The following MAGI1 variants were observed in gnomAD, a reference collection of about 807,000 sequenced individuals.
The protein encoded by MAGI1 is membrane associated guanylate kinase, WW and PDZ domain containing 1, also known as membrane-associated guanylate kinase, WW and PDZ domain-containing protein 1.
In MAGI1, 58 loss-of-function variants were observed where a neutral mutation model predicts 139.9. The observed-to-expected ratio is 0.41, with a 90% CI of 0.34 to 0.52. The LOEUF (loss-of-function observed/expected upper bound fraction) is 0.52. MAGI1 is among the 20% of genes least tolerant of loss of function. The pLI is 0.12. For synonymous variants in MAGI1, 812 were observed against 737.9 expected (o/e 1.10, Z -1.63); for missense variants, 1,874 against 1,901.6 (o/e 0.99, Z 0.27).
intron 1 of MAGI1, among the ~76,000 whole-genome samples, chr3:65,878,101 G>A (rs2060185460): frequency 6.6e-6 from 1 of 151,364 alleles, no homozygotes; most frequent in Non-Finnish European, 1.5e-5. Context: ...ACAGAGTGAG[G>A]TTCTGTCTCA....
chr3:65,401,372 T>TCCCCCCCCCCC, intron 13 of MAGI1, 67 bp downstream of exon 13: 2 of 778,308 alleles, frequency 2.6e-6, no homozygotes, highest in South Asian at 2.9e-5. Flanking sequence ...CAGAGTACCC[T>TCCCCCCCCCCC]CCCACCTCCA....
At chr3:65,609,456 T>A (rs2082925000) in intron 2 of MAGI1, among the ~76,000 whole-genome samples, 1 of 152,018 alleles carries the variant, frequency 6.6e-6, no homozygotes, top group African/African-American at 2.4e-5. Flanking sequence ...TTTTTGTATT[T>A]TTAGGAGAGA....
intron 1 of MAGI1, among the ~76,000 whole-genome samples, chr3:65,749,399 T>C (rs1003672340): frequency 5.9e-5 from 9 of 152,168 alleles, no homozygotes; most frequent in African/African-American, 2.2e-4. Context: ...GAGGCTATTA[T>C]TCTAAGTGAA....
At chr3:65,761,048 A>C (rs1254504697) in intron 1 of MAGI1, among the ~76,000 whole-genome samples, 4 of 152,152 alleles carry the variant, frequency 2.6e-5, no homozygotes, top group Admixed American at 2.6e-4. Flanking sequence ...GATCCCAAAC[A>C]CTGAAGTTAC....
chr3:65,919,856 C>T (rs2062089907), intron 1 of MAGI1, among the ~76,000 whole-genome samples: 1 of 152,190 alleles, frequency 6.6e-6, no homozygotes, highest in African/African-American at 2.4e-5. Flanking sequence ...CTAGAACTCT[C>T]AGTTTTAGCC....
At chr3:65,654,794 T>C (rs907454530) in intron 1 of MAGI1, among the ~76,000 whole-genome samples, 1 of 152,198 alleles carries the variant, frequency 6.6e-6, no homozygotes, top group African/African-American at 2.4e-5. Flanking sequence ...GCCCACCAAT[T>C]GCTCTGTCAA....
chr3:65,610,907 G>A, intron 2 of MAGI1, among the ~76,000 whole-genome samples: 1 of 138,122 alleles, frequency 7.2e-6, no homozygotes, highest in Admixed American at 7.5e-5. Flanking sequence ...ATACTATATA[G>A]TATATAGACA....
intron 2 of MAGI1, among the ~76,000 whole-genome samples, chr3:65,522,760 A>G (rs2107806197): frequency 6.6e-6 from 1 of 152,334 alleles, no homozygotes; most frequent in African/African-American, 2.4e-5. Flanking sequence ...AAGGCAGACA[A>G]GCCCTGGCTA....
chr3:65,510,878 G>A lies in MAGI1; in HGVS notation c.431-17247C>T, dbSNP rs1281935430. Among the ~76,000 whole-genome samples the A allele has an allele frequency of 2.0e-5, 3 of 149,036 alleles. No homozygotes were observed. In the East Asian group the frequency reaches 5.9e-4, roughly 30 times the overall value. On this transcript the variant is annotated intron_variant, in intron 2 of 22. Coordinates refer to ENST00000402939, the MANE Select transcript of MAGI1 (RefSeq NM_001033057.2). The stretch of plus-strand genomic sequence containing the variant: ...CAGATTCACCAAAGTTCAAATGAAG[G>A]AAAAAATGTTAAGGGCAGCCAGAGA...
At chr3:65,538,866 T>C (rs13070831) in intron 2 of MAGI1, among the ~76,000 whole-genome samples, 38,672 of 151,958 alleles carry the variant, frequency 0.25, 5,270 homozygotes, top group African/African-American at 0.32. Context: ...CAGACACACA[T>C]ACCAACTGCC....
chr3:65,594,677 T>C (rs994601045), intron 2 of MAGI1, among the ~76,000 whole-genome samples: 3 of 151,806 alleles, frequency 2.0e-5, no homozygotes, highest in Non-Finnish European at 4.4e-5. Context: ...ACATAAGAAA[T>C]TTTTTTTTCA....
chr3:65,508,137 C>T (rs551978954), intron 2 of MAGI1, among the ~76,000 whole-genome samples: 78 of 152,298 alleles, frequency 5.1e-4, no homozygotes, highest in African/African-American at 1.5e-3. Flanking sequence ...GGCGCGGTGG[C>T]TCACGCCTGT....
intron 1 of MAGI1, among the ~76,000 whole-genome samples, chr3:65,788,953 G>T (rs538949813): frequency 6.6e-6 from 1 of 152,110 alleles, no homozygotes; most frequent in Non-Finnish European, 1.5e-5. Context: ...CAATCCAGGA[G>T]AATCCGTTGC....
intron 15 of MAGI1, 100 bp downstream of exon 15, chr3:65,383,432 C>T: frequency 1.2e-6 from 1 of 826,146 alleles, no homozygotes; most frequent in Non-Finnish European, 2.1e-6. Context: ...GTCAGTGTTG[C>T]ATCTAGCTGG....
At chr3:65,727,006 C>T (rs1266807932) in intron 1 of MAGI1, among the ~76,000 whole-genome samples, 1 of 149,626 alleles carries the variant, frequency 6.7e-6, no homozygotes, top group Non-Finnish European at 1.5e-5. Context: ...TGGTCCCAAG[C>T]ATTCCAGATG....
chr3:65,732,004 CTATTT>C (rs1458082039), intron 1 of MAGI1, among the ~76,000 whole-genome samples: 4 of 152,146 alleles, frequency 2.6e-5, no homozygotes, highest in African/African-American at 4.8e-5. Flanking sequence ...TTAAACAATT[CTATTT>C]TAAGTATTAT....
intron 1 of MAGI1, among the ~76,000 whole-genome samples, chr3:65,712,812 C>T (rs1045695976): frequency 6.6e-6 from 1 of 152,164 alleles, no homozygotes; most frequent in African/African-American, 2.4e-5. Flanking sequence ...GGGTGATTTG[C>T]TATGCAGCAA....
At chr3:65,412,053 T>C (rs1406661297) in intron 12 of MAGI1, among the ~76,000 whole-genome samples, 1 of 152,188 alleles carries the variant, frequency 6.6e-6, no homozygotes, top group Non-Finnish European at 1.5e-5. Flanking sequence ...CCTGGCTCCA[T>C]GTCCCTATGG....
intron 1 of MAGI1, among the ~76,000 whole-genome samples, chr3:65,835,288 T>C (rs2042744903): frequency 6.6e-6 from 1 of 152,232 alleles, no homozygotes; most frequent in South Asian, 2.1e-4. Context: ...CTAAGTACTA[T>C]GTAACTACCT....
Sources: gnomAD v4.1 joint callset for allele counts (sites outside exome capture counted in the v4.1 genomes callset) on GRCh38, gnomAD v4.1.1 for gene constraint, MANE v1.5 for transcripts, NCBI Gene and HGNC (gene_info 2026-07-23, HGNC 2026-07-21) for gene names.